Variants in ADORA2B observed in about 807,000 individuals in gnomAD.
ADORA2B encodes the protein adenosine receptor A2b.
ADORA2B carries 18 observed loss-of-function variants against 20.8 expected under a neutral mutation model. The observed-to-expected ratio is 0.87, with a 90% confidence interval of 0.60 to 1.29. The LOEUF (loss-of-function observed/expected upper bound fraction) is 1.29, where lower values mean the gene tolerates loss of function less well. ADORA2B is among the 50% of genes most tolerant of loss of function. The pLI is 0.00. For synonymous variants in ADORA2B, 179 were observed against 178.3 expected (o/e 1.00, Z -0.03); for missense variants, 441 against 422.7 (o/e 1.04, Z -0.38).
chr17:15,975,433 T>C lies in ADORA2B; in HGVS notation c.*91T>C. 4 of 1,373,844 alleles carry C rather than the reference T, an allele frequency of 2.9e-6. No individual in the cohort carries two copies. The highest frequency in any genetic ancestry group is 4.0e-6 in the Non-Finnish European group (4 of 1,007,770). 85.1% of individuals were successfully genotyped at this position (1,373,844 alleles called of 1,614,324 possible). ...TTTCATTGTGAAAGATAGCTACACC[T>C]CACAAGGAAATGGACTGCCTCTCTT... is the stretch of plus-strand genomic sequence containing the variant. On this transcript the variant is annotated 3_prime_UTR_variant, in exon 2 of 2. Coordinates refer to ENST00000304222, the MANE Select transcript of ADORA2B (RefSeq NM_000676.4).
At position 15,974,960 on chromosome 17, in the gene ADORA2B, T is replaced by G. The variant is rs766278794; in HGVS notation, c.617T>G (p.Phe206Cys). 7 of 1,614,174 alleles carry G rather than the reference T, an allele frequency of 4.3e-6. No individual in the cohort carries two copies. Among genetic ancestry groups the G allele is most frequent in the Non-Finnish European group, 5.1e-6 (6 of 1,180,032 alleles). The change falls in exon 2 of 2, where the codon TTC (phenylalanine) becomes TGC (cysteine). Residue 206 changes from phenylalanine to cysteine, a missense_variant. Transcript: ENST00000304222. ...LIMLVIYIKI[F>C]LVACRQLQRT... ...ATGCTGGTGATCTACATTAAGATCT[T>G]CCTGGTGGCCTGCAGGCAGCTTCAG... is the stretch of plus-strand genomic sequence containing the variant.
intron 1 of ADORA2B, among the ~76,000 whole-genome samples, chr17:15,961,695 C>T (rs1255818858): frequency 1.3e-5 from 2 of 152,230 alleles, no homozygotes; most frequent in Non-Finnish European, 2.9e-5. Context: ...GTGCCAGCAT[C>T]TGGCGAGGGC....
chr17:15,904,289 C>A, the ADORA2B span, among the ~76,000 whole-genome samples: 4 of 150,678 alleles, frequency 2.7e-5, no homozygotes, highest in Non-Finnish European at 5.9e-5. Flanking sequence ...CAATTTTTTT[C>A]TTTCTTGATG....
chr17:15,936,063 G>A, the ADORA2B span, among the ~76,000 whole-genome samples: 9 of 151,780 alleles, frequency 5.9e-5, no homozygotes, highest in East Asian at 1.7e-3. Context: ...TTTTAGTAGA[G>A]ACGGGGTTTC....
chr17:15,866,506 C>CG, the ADORA2B span, among the ~76,000 whole-genome samples: 1 of 150,072 alleles, frequency 6.7e-6, no homozygotes, highest in East Asian at 2.0e-4. Context: ...TGGTGGGGAG[C>CG]GGGGGTATTG....
At chr17:15,927,960 C>T in the ADORA2B span, among the ~76,000 whole-genome samples, 1 of 151,926 alleles carries the variant, frequency 6.6e-6, no homozygotes, top group Non-Finnish European at 1.5e-5. Context: ...GTAACTGGGA[C>T]TACAGCGCCC....
the ADORA2B span, among the ~76,000 whole-genome samples, chr17:15,933,213 C>G: frequency 6.6e-6 from 1 of 152,156 alleles, no homozygotes. Context: ...CCTCAGCCTC[C>G]CAAAGTGTTG....
the ADORA2B span, among the ~76,000 whole-genome samples, chr17:15,896,851 G>T: frequency 6.6e-6 from 1 of 152,168 alleles, no homozygotes; most frequent in Non-Finnish European, 1.5e-5. Flanking sequence ...AAAGTAAAAG[G>T]CTCCCCAGGT....
chr17:15,876,117 T>C, the ADORA2B span, among the ~76,000 whole-genome samples: 2 of 152,198 alleles, frequency 1.3e-5, no homozygotes, highest in African/African-American at 2.4e-5. Context: ...TCTTTTTTTT[T>C]CCTCCAGTAT....
At chr17:15,854,240 C>G in the ADORA2B span, among the ~76,000 whole-genome samples, 1 of 152,198 alleles carries the variant, frequency 6.6e-6, no homozygotes, top group Non-Finnish European at 1.5e-5. Flanking sequence ...CAGGCGTGAG[C>G]CACCGCGCCT....
chr17:15,942,005 G>A (rs1969749581), upstream of ADORA2B, among the ~76,000 whole-genome samples: 1 of 152,002 alleles, frequency 6.6e-6, no homozygotes, highest in African/African-American at 2.4e-5. Context: ...GGGGTGGGGA[G>A]AGGACGGAGA....
intron 1 of ADORA2B, among the ~76,000 whole-genome samples, chr17:15,955,724 T>A (rs1969958684): frequency 6.7e-6 from 1 of 150,120 alleles, no homozygotes; most frequent in South Asian, 2.1e-4. Flanking sequence ...GGGATTCTTT[T>A]TTTTTTTTTT....
the ADORA2B span, among the ~76,000 whole-genome samples, chr17:15,928,107 C>T: frequency 1.2e-4 from 19 of 152,198 alleles, no homozygotes; most frequent in Admixed American, 3.9e-4. Flanking sequence ...CACGCCCGGC[C>T]GAGGCCATGG....
At chr17:15,920,806 C>T in the ADORA2B span, among the ~76,000 whole-genome samples, 9 of 152,108 alleles carry the variant, frequency 5.9e-5, no homozygotes, top group East Asian at 1.9e-4. Context: ...CACAGCACCG[C>T]GCAGGTATTT....
Position 15,975,512 on chromosome 17 carries a change from A to T in ADORA2B, c.*170A>T. 2 of 639,646 alleles carry T rather than the reference A, an allele frequency of 3.1e-6. No individual in the cohort carries two copies. Among genetic ancestry groups the T allele is most frequent in the Non-Finnish European group, 2.7e-6 (1 of 373,706 alleles). The allele number at this position is 639,646 out of a possible 1,614,324, so 39.6% of individuals were successfully genotyped here. On this transcript the variant is annotated 3_prime_UTR_variant, in exon 2 of 2. Coordinates refer to ENST00000304222, the MANE Select transcript of ADORA2B (RefSeq NM_000676.4). ...TAGCTAATATGTATGTGTCAGTAGTAGGCTCCAAGGATTGACAAATATATT... is the reference window on the plus strand; with the variant it reads ...TAGCTAATATGTATGTGTCAGTAGTTGGCTCCAAGGATTGACAAATATATT...
chr17:15,912,442 C>T, the ADORA2B span, among the ~76,000 whole-genome samples: 1 of 152,106 alleles, frequency 6.6e-6, no homozygotes, highest in East Asian at 1.9e-4. Flanking sequence ...CTGAAGTGTT[C>T]ACTTTTTCCT....
At chr17:15,963,162 T>C (rs755194791) in intron 1 of ADORA2B, among the ~76,000 whole-genome samples, 27 of 152,284 alleles carry the variant, frequency 1.8e-4, no homozygotes, top group Non-Finnish European at 3.1e-4. Context: ...CAATGCCATC[T>C]AATTAATGAA....
At chr17:15,900,584 C>T in the ADORA2B span, among the ~76,000 whole-genome samples, 8 of 151,622 alleles carry the variant, frequency 5.3e-5, no homozygotes, top group African/African-American at 1.9e-4. Context: ...GTAGCTAGGA[C>T]TACATGCATG....
chr17:15,905,153 C>T, the ADORA2B span, among the ~76,000 whole-genome samples: 1 of 152,140 alleles, frequency 6.6e-6, no homozygotes, highest in East Asian at 1.9e-4. Context: ...TTCAGTCTTC[C>T]AGTCCAGGAA....
Sources: allele counts gnomAD v4.1 joint callset (sites outside exome capture counted in the v4.1 genomes callset), GRCh38; gene constraint gnomAD v4.1.1; transcripts MANE v1.5; gene names NCBI Gene and HGNC (gene_info 2026-07-23, HGNC 2026-07-21).